LMO7: variants seen among roughly 807,000 people sequenced by gnomAD.
LMO7 encodes the protein LIM domain 7, also known as LIM domain only protein 7.
LMO7 carries 120 observed loss-of-function variants against 206.5 expected under a neutral mutation model. The ratio of observed to expected loss-of-function variants is 0.58; its 90% CI spans 0.50 to 0.68. The LOEUF (loss-of-function observed/expected upper bound fraction) is 0.68, where lower values mean the gene tolerates loss of function less well. Ranked by LOEUF, LMO7 falls within the 30% of genes least tolerant of loss-of-function variation. The pLI, the probability that LMO7 is intolerant of heterozygous loss-of-function variation, is 0.00. For missense variants in LMO7, 1,959 were observed against 1,957.9 expected (o/e 1.00, Z -0.01); for synonymous variants, 706 against 681.5 (o/e 1.04, Z -0.56).
chr13:75,710,275 A>G (rs1372204505), intron 1 of LMO7, among the ~76,000 whole-genome samples: 3 of 152,122 alleles, frequency 2.0e-5, no homozygotes, highest in African/African-American at 7.2e-5. Flanking sequence ...TTGACTTGGC[A>G]ATGCAGGCCC....
At chr13:75,693,741 C>G (rs1160160656) in intron 1 of LMO7, among the ~76,000 whole-genome samples, 1 of 152,130 alleles carries the variant, frequency 6.6e-6, no homozygotes, top group Non-Finnish European at 1.5e-5. Flanking sequence ...TGCTCAGGGA[C>G]TCTTGTTTCT....
chr13:75,705,018 G>A (rs1372345409), intron 1 of LMO7, among the ~76,000 whole-genome samples: 3 of 152,128 alleles, frequency 2.0e-5, no homozygotes, highest in Admixed American at 2.0e-4. Context: ...TTCCTATCAA[G>A]GGCTTCTTCG....
chr13:75,779,829 C>T (rs1478284845), intron 4 of LMO7, among the ~76,000 whole-genome samples: 2 of 151,944 alleles, frequency 1.3e-5, no homozygotes, highest in South Asian at 4.2e-4. Context: ...GGAACCAGCC[C>T]CCAATATTTC....
chr13:75,752,846 A>T (rs994845653), intron 3 of LMO7, among the ~76,000 whole-genome samples: 1 of 152,186 alleles, frequency 6.6e-6, no homozygotes, highest in African/African-American at 2.4e-5. Context: ...ATGGACACTT[A>T]GGTTGATTCC....
At chr13:75,630,514 A>T (rs1253712471) in intron 2 of LMO7, among the ~76,000 whole-genome samples, 1 of 152,174 alleles carries the variant, frequency 6.6e-6, no homozygotes, top group Non-Finnish European at 1.5e-5. Context: ...CTCTACAAAA[A>T]ATACAAAAAT....
intron 4 of LMO7, among the ~76,000 whole-genome samples, chr13:75,770,599 G>A (rs2049506785): frequency 6.6e-6 from 1 of 152,080 alleles, no homozygotes; most frequent in African/African-American, 2.4e-5. Context: ...GAACAGAAGT[G>A]ATTGAGTGTG....
At chr13:75,756,378 C>G (rs2047685559) in intron 3 of LMO7, among the ~76,000 whole-genome samples, 1 of 152,102 alleles carries the variant, frequency 6.6e-6, no homozygotes, top group South Asian at 2.1e-4. Context: ...AATTAAGAGA[C>G]CCTTAATTCT....
At chr13:75,633,509 A>C (rs2035272502), upstream of LMO7, among the ~76,000 whole-genome samples, 1 of 152,244 alleles carries the variant, frequency 6.6e-6, no homozygotes, top group Admixed American at 6.5e-5. Context: ...CTTCCAGAGC[A>C]CAGGAAGTAC....
chr13:75,627,275 A>G (rs951894944), intron 2 of LMO7: 1 of 152,228 alleles, frequency 6.6e-6, no homozygotes, highest in Non-Finnish European at 1.5e-5. Context: ...TCAACAACTT[A>G]TTATAAAATA....
rs752695160 is a variant in LMO7 at position 75,727,056 on chromosome 13, C to T, written c.168C>T (p.Val56=). The T allele has an allele frequency of 5.7e-6, 9 of 1,589,252 alleles. No homozygotes were observed. Among genetic ancestry groups the T allele is most frequent in the Non-Finnish European group, 7.8e-6 (9 of 1,158,272 alleles). The part of the protein sequence containing the change: ...CDLINKLKPG[V]IKKINRLSTP... ...TGATTAATAAGCTTAAACCTGGCGTCATTAAGAAGATCAATAGACTGTCTA... is the reference window on the plus strand; with the variant it reads ...TGATTAATAAGCTTAAACCTGGCGTTATTAAGAAGATCAATAGACTGTCTA... Residue 56 remains valine, a synonymous_variant, in exon 3 of 31, where the codon GTC becomes GTT. Coordinates refer to ENST00000377534, the MANE Select transcript of LMO7 (RefSeq NM_001306080.2).
At chr13:75,800,963 CA>C (rs1273290640) in intron 7 of LMO7, 81 bp downstream of exon 7, 5 of 1,350,614 alleles carry the variant, frequency 3.7e-6, no homozygotes, top group Admixed American at 1.8e-5. Flanking sequence ...AAAAATGGAG[CA>C]AAAACTAGGC....
rs546190577 is a variant in LMO7, at chr13:75,768,743, T to A, written c.317+7705T>A. Among the ~76,000 whole-genome samples, 11 of 152,122 alleles carry A rather than the reference T, an allele frequency of 7.2e-5. No homozygotes were observed. In the South Asian group the frequency reaches 2.3e-3, roughly 32 times the overall value. On this transcript the variant is annotated intron_variant, in intron 4 of 30. Coordinates refer to ENST00000377534, the MANE Select transcript of LMO7 (RefSeq NM_001306080.2). ...AGATAAGAAGCTATTATCTGAAAGG[T>A]TTTTGTAGAGCTTAGGAATATTTTT...
rs190169323 is a variant in LMO7 at position 75,638,408 on chromosome 13, G to A, written c.69+1682G>A. ...GTATTGTGATAAAAGATATCATTGC[G>A]CATATTACATGTGGTCTGTTTTCAC... is the stretch of plus-strand genomic sequence containing the variant. On this transcript the variant is annotated intron_variant, in intron 1 of 30. Coordinates refer to ENST00000377534, the MANE Select transcript of LMO7 (RefSeq NM_001306080.2). Among the ~76,000 whole-genome samples, 7 of 152,178 alleles carry A rather than the reference G, an allele frequency of 4.6e-5. No individual in the cohort carries two copies. The East Asian group carries it at 9.7e-4, about 21-fold the overall frequency.
At chr13:75,701,570 C>T (rs1157575826) in intron 1 of LMO7, among the ~76,000 whole-genome samples, 1 of 152,178 alleles carries the variant, frequency 6.6e-6, no homozygotes, top group Non-Finnish European at 1.5e-5. Flanking sequence ...AGCATTTGAA[C>T]TATACTTAAA....
rs71127572 is a variant in LMO7, at chr13:75,681,718, GTATATATATATATATA to G, written c.70-31448_70-31433del. Among the ~76,000 whole-genome samples the G allele has an allele frequency of 4.8e-4, 50 of 104,564 alleles. 1 individual carries two copies. The highest frequency in any genetic ancestry group is 3.1e-3 in the South Asian group (9 of 2,902). The allele number at this position is 104,564 out of a possible 152,430, so 68.6% of individuals were successfully genotyped here. A position where few individuals can be genotyped will look rare whatever the true frequency, so the allele number is the denominator to read the frequency against. ...TATGTATGTATGTGTATATATATAT[GTATATATATATATATA>G]TATATATATATATATGGAATCTTAT... On this transcript the variant is annotated intron_variant, in intron 1 of 30. Coordinates refer to ENST00000377534, the MANE Select transcript of LMO7 (RefSeq NM_001306080.2).
At chr13:75,645,499 C>T (rs954892226) in intron 1 of LMO7, among the ~76,000 whole-genome samples, 6 of 151,936 alleles carry the variant, frequency 3.9e-5, no homozygotes, top group East Asian at 3.9e-4. Context: ...TATGACAGAG[C>T]GAGACCCTAT....
chr13:75,742,002 T>C (rs1174336862), intron 3 of LMO7, among the ~76,000 whole-genome samples: 1 of 152,192 alleles, frequency 6.6e-6, no homozygotes, highest in Non-Finnish European at 1.5e-5. Context: ...CCAAAGCTCC[T>C]TAAGCTGTTA....
chr13:75,671,085 G>A (rs1043884232), intron 1 of LMO7, among the ~76,000 whole-genome samples: 3 of 149,444 alleles, frequency 2.0e-5, no homozygotes, highest in African/African-American at 7.4e-5. Context: ...CTACCTCCAC[G>A]TCTTGTCCCA....
In LMO7 at chr13:75,849,153, T is replaced by C. The variant is rs1340400700; in HGVS notation, c.4225T>C (p.Ser1409Pro). 2 of 1,613,574 alleles carry C rather than the reference T, an allele frequency of 1.2e-6. No individual in the cohort carries two copies. The highest frequency in any genetic ancestry group is 1.7e-6 in the Non-Finnish European group (2 of 1,179,668). Reference protein sequence around the residue: ...QRRSKKEQVPSGAELERQQIL... With the variant: ...QRRSKKEQVPPGAELERQQIL... ...GAGATCCAAGAAAGAACAAGTACCA[T>C]CAGGAGCAGAATTGGAGAGGCAACA... is the stretch of plus-strand genomic sequence containing the variant. The change falls in exon 27 of 31, where the codon TCA becomes CCA. Residue 1409 changes from serine to proline, a missense_variant. Coordinates refer to ENST00000377534, the MANE Select transcript of LMO7 (RefSeq NM_001306080.2).
Sources: allele counts gnomAD v4.1 joint callset (sites outside exome capture counted in the v4.1 genomes callset), GRCh38; gene constraint gnomAD v4.1.1; transcripts MANE v1.5; gene names NCBI Gene and HGNC (gene_info 2026-07-23, HGNC 2026-07-21).